CNTN4: variants seen among roughly 807,000 people sequenced by gnomAD.
The protein encoded by CNTN4 is contactin-4.
In CNTN4, 77 loss-of-function variants were observed where a neutral mutation model predicts 122.5. The observed-to-expected ratio is 0.63, with a 90% CI of 0.52 to 0.76. The LOEUF (loss-of-function observed/expected upper bound fraction) is 0.76, where lower values mean the gene tolerates loss of function less well. CNTN4 is among the 30% of genes least tolerant of loss of function. The pLI, the probability that CNTN4 is intolerant of heterozygous loss-of-function variation, is 0.00. For missense variants in CNTN4, 1,256 were observed against 1,259.1 expected (o/e 1.00, Z 0.04); for synonymous variants, 512 against 447.0 (o/e 1.15, Z -1.83).
At chr3:2,292,452 A>G (rs897694364) in intron 2 of CNTN4, among the ~76,000 whole-genome samples, 5 of 152,230 alleles carry the variant, frequency 3.3e-5, no homozygotes, top group African/African-American at 2.4e-5. Flanking sequence ...TTTGTATGCA[A>G]TAAAATGCTC....
At chr3:2,553,681 A>G (rs759334373) in intron 3 of CNTN4, among the ~76,000 whole-genome samples, 2 of 152,162 alleles carry the variant, frequency 1.3e-5, no homozygotes, top group Non-Finnish European at 2.9e-5. Flanking sequence ...AGGATGAGGA[A>G]GAGAAAAGGA....
At chr3:2,832,635 A>G (rs547810286) in intron 7 of CNTN4, among the ~76,000 whole-genome samples, 1 of 152,234 alleles carries the variant, frequency 6.6e-6, no homozygotes, top group Non-Finnish European at 1.5e-5. Context: ...AACATGGCAC[A>G]TGAGTATGGA....
chr3:2,343,533 C>A (rs1326716095), intron 3 of CNTN4, among the ~76,000 whole-genome samples: 2 of 152,166 alleles, frequency 1.3e-5, no homozygotes, highest in African/African-American at 4.8e-5. Flanking sequence ...AACTAAGTAA[C>A]CAGTGGGAAA....
rs369095482 is a variant in CNTN4, at chr3:2,745,599, A to T, written c.260A>T (p.Asn87Ile). The change falls in exon 6 of 25, where the codon AAT (asparagine) becomes ATT (isoleucine). Residue 87 changes from asparagine to isoleucine, a missense_variant. By Grantham distance (149) the Asn-to-Ile change is moderately radical. Transcript: ENST00000418658. ...GTTGTTGAAGGGAGCTTGTTGATCA[A>T]TAACCCCAATAAAACCCAAGATGCT... ...YSVVEGSLLINNPNKTQDAGT... is the reference protein window; with the variant it reads ...YSVVEGSLLIINPNKTQDAGT... 1 of 1,614,170 alleles carries T rather than the reference A, an allele frequency of 6.2e-7. No homozygotes were observed. Among genetic ancestry groups the T allele is most frequent in the Non-Finnish European group, 8.5e-7 (1 of 1,179,980 alleles).
intron 2 of CNTN4, among the ~76,000 whole-genome samples, chr3:2,116,242 CAG>C (rs1186598410): frequency 6.6e-6 from 1 of 152,132 alleles, no homozygotes; most frequent in Non-Finnish European, 1.5e-5. Flanking sequence ...TGAGGCATAA[CAG>C]AAAATAATCA....
intron 6 of CNTN4, among the ~76,000 whole-genome samples, chr3:2,780,588 A>G (rs950429407): frequency 6.6e-6 from 1 of 152,148 alleles, no homozygotes; most frequent in Non-Finnish European, 1.5e-5. Context: ...GTTCCTCCAC[A>G]TGGATTTGTT....
At chr3:2,248,598 A>T (rs2040243175) in intron 2 of CNTN4, among the ~76,000 whole-genome samples, 1 of 152,116 alleles carries the variant, frequency 6.6e-6, no homozygotes, top group African/African-American at 2.4e-5. Context: ...GGTAAACACG[A>T]TCAATCAAAG....
At chr3:2,277,393 A>AAT (rs1037320419) in intron 2 of CNTN4, among the ~76,000 whole-genome samples, 42 of 152,032 alleles carry the variant, frequency 2.8e-4, no homozygotes, top group African/African-American at 2.4e-4. Flanking sequence ...CTTAGTTTTA[A>AAT]ATATATATAT....
intron 16 of CNTN4, among the ~76,000 whole-genome samples, chr3:3,032,913 A>G (rs1256709244): frequency 2.6e-5 from 4 of 152,190 alleles, no homozygotes; most frequent in East Asian, 1.9e-4. Flanking sequence ...GTAGCTATGC[A>G]TCGGTAGGAG....
chr3:2,631,453 A>G lies in CNTN4; in HGVS notation c.55+59895A>G, dbSNP rs185594985. On this transcript the variant is annotated intron_variant, in intron 4 of 24. Coordinates refer to ENST00000418658, the MANE Select transcript of CNTN4 (RefSeq NM_175607.3). ...TGCAATGAAAACAAAATACCCCTTA[A>G]GAGTTACCATGTACTATACAAGACC... is the stretch of plus-strand genomic sequence containing the variant. Among the ~76,000 whole-genome samples, 313 of 152,208 alleles carry G rather than the reference A, an allele frequency of 2.1e-3. 1 individual carries two copies. Among genetic ancestry groups the G allele is most frequent in the Admixed American group, 3.5e-3 (54 of 15,272 alleles).
intron 14 of CNTN4, among the ~76,000 whole-genome samples, chr3:2,997,645 CA>C (rs774922128): frequency 1.3e-5 from 2 of 152,144 alleles, no homozygotes; most frequent in Non-Finnish European, 2.9e-5. Flanking sequence ...AGAATCTGAC[CA>C]AGATGAAAGC....
intron 4 of CNTN4, among the ~76,000 whole-genome samples, chr3:2,658,959 C>T (rs1039778880): frequency 6.6e-5 from 6 of 90,396 alleles, no homozygotes; most frequent in Non-Finnish European, 1.3e-4. Context: ...CCCACACACA[C>T]AAACAGACAC....
intron 3 of CNTN4, among the ~76,000 whole-genome samples, chr3:2,497,978 C>T (rs2076497595): frequency 6.6e-6 from 1 of 152,048 alleles, no homozygotes; most frequent in Non-Finnish European, 1.5e-5. Context: ...CACCCATAAT[C>T]AACTATTACT....
chr3:2,117,769 G>T (rs4522748), intron 2 of CNTN4, among the ~76,000 whole-genome samples: 26,854 of 152,028 alleles, frequency 0.18, 3,022 homozygotes, highest in Admixed American at 0.3. Context: ...TTTCCCGGGT[G>T]ATTTTATTAG....
At chr3:2,666,988 C>T (rs1266011591) in intron 4 of CNTN4, among the ~76,000 whole-genome samples, 24 of 151,998 alleles carry the variant, frequency 1.6e-4, no homozygotes, top group Admixed American at 1.6e-3. Context: ...TCCACTCTAT[C>T]ATTGATGGAC....
intron 2 of CNTN4, among the ~76,000 whole-genome samples, chr3:2,237,238 G>A (rs967606243): frequency 6.6e-6 from 1 of 152,102 alleles, no homozygotes; most frequent in African/African-American, 2.4e-5. Context: ...AAGTAAAATG[G>A]TCTTGACTTA....
At chr3:2,266,058 T>G (rs2041030554) in intron 2 of CNTN4, among the ~76,000 whole-genome samples, 1 of 152,138 alleles carries the variant, frequency 6.6e-6, no homozygotes, top group African/African-American at 2.4e-5. Flanking sequence ...CTTTTCTTTC[T>G]TTTTCTTTCC....
rs139029782 is a variant in CNTN4 at position 2,293,098 on chromosome 3, A to G, written c.-144-46080A>G. 2.1e-3 allele frequency among the ~76,000 whole-genome samples: 310 copies of G among 148,654 alleles called. 1 individual carries two copies. The highest frequency in any genetic ancestry group is 7.6e-3 in the African/African-American group (303 of 40,116). On this transcript the variant is annotated intron_variant, in intron 2 of 24. Coordinates refer to ENST00000418658, the MANE Select transcript of CNTN4 (RefSeq NM_175607.3). ...TGACCTTCACGATTCTTGTGGGTGT[A>G]TAGTGCTATTGCACTGTGGTTTAAC...
intron 4 of CNTN4, among the ~76,000 whole-genome samples, chr3:2,665,154 A>G (rs1467006888): frequency 6.6e-6 from 1 of 152,230 alleles, no homozygotes; most frequent in Non-Finnish European, 1.5e-5. Flanking sequence ...TTATATGTCA[A>G]AAGAAGAACC....
Sources: gnomAD v4.1 joint callset for allele counts (sites outside exome capture counted in the v4.1 genomes callset) on GRCh38, gnomAD v4.1.1 for gene constraint, MANE v1.5 for transcripts, NCBI Gene and HGNC (gene_info 2026-07-23, HGNC 2026-07-21) for gene names.